NAV3: variants seen among roughly 807,000 people sequenced by gnomAD.
NAV3 encodes neuron navigator 3.
A neutral mutation model predicts 244.7 loss-of-function variants in NAV3; 87 were observed. That is an observed-to-expected ratio of 0.36 (90% CI 0.30 to 0.42). The LOEUF is 0.42. NAV3 is among the 20% of genes least tolerant of loss of function. NAV3 has a pLI of 1.00. For missense variants in NAV3, 2,663 were observed against 2,893.3 expected (o/e 0.92, Z 1.83); for synonymous variants, 1,126 against 1,042.2 (o/e 1.08, Z -1.55).
chr12:77,629,750 T>G (rs917142227), intron 2 of NAV3, among the ~76,000 whole-genome samples: 10 of 152,170 alleles, frequency 6.6e-5, no homozygotes, highest in African/African-American at 2.4e-4. Context: ...GTACATTAGT[T>G]AAAAACTCTC....
At chr12:77,714,459 C>T (rs1296641658) in intron 2 of NAV3, among the ~76,000 whole-genome samples, 1 of 152,070 alleles carries the variant, frequency 6.6e-6, no homozygotes, top group Middle Eastern at 3.2e-3. Context: ...AACTTTGTGT[C>T]CTACAGCCCA....
At chr12:77,913,192 C>A (rs925111234) in intron 1 of NAV3, among the ~76,000 whole-genome samples, 1 of 152,008 alleles carries the variant, frequency 6.6e-6, no homozygotes, top group East Asian at 1.9e-4. Context: ...ATGTACACAG[C>A]AATTCTTTTG....
chr12:77,935,413 C>T (rs1181975138), intron 1 of NAV3, among the ~76,000 whole-genome samples: 1 of 152,084 alleles, frequency 6.6e-6, no homozygotes, highest in East Asian at 1.9e-4. Context: ...AATGATGAAG[C>T]TACAAGGTCA....
rs112838926 is a variant in NAV3, at chr12:77,718,252, C to G, written c.72+145986C>G. Among the ~76,000 whole-genome samples the G allele has an allele frequency of 2.8e-3, 428 of 152,228 alleles. 2 individuals are homozygous for G. The highest frequency in any genetic ancestry group is 9.8e-3 in the African/African-American group (407 of 41,536). ...ATCCATTTTGAGTTAATTTTTTGTA[C>G]TGTGTACAATAAGGCTCAAATTTTA... On this transcript the variant is annotated intron_variant, in intron 2 of 8. Transcript: ENST00000550042.
At chr12:77,894,476 A>G in intron 1 of NAV3, among the ~76,000 whole-genome samples, 1 of 152,208 alleles carries the variant, frequency 6.6e-6, no homozygotes, top group African/African-American at 2.4e-5. Context: ...TCGAGTTTAA[A>G]AAACAACAAT....
At position 77,600,880 on chromosome 12, in the gene NAV3, A is replaced by C. The variant is rs1052204847; in HGVS notation, c.72+28614A>C. ...TATTTTTACACATTCTGAGCCTTAA[A>C]GTGGCAGGCTTCTGCTTAAAATCTA... On this transcript the variant is annotated intron_variant, in intron 2 of 8. Coordinates refer to the NAV3 transcript ENST00000550042. 7.9e-5 allele frequency among the ~76,000 whole-genome samples: 12 copies of C among 151,956 alleles called. No homozygotes were observed. In the South Asian group the frequency reaches 2.1e-3, roughly 26 times the overall value.
At chr12:77,684,092 C>G (rs533090174) in intron 2 of NAV3, among the ~76,000 whole-genome samples, 1 of 152,248 alleles carries the variant, frequency 6.6e-6, no homozygotes, top group South Asian at 2.1e-4. Flanking sequence ...GCATTCAGAC[C>G]TGCATTAGGC....
chr12:78,000,526 C>CG (rs1873075381), intron 7 of NAV3, among the ~76,000 whole-genome samples: 1 of 108,734 alleles, frequency 9.2e-6, no homozygotes, highest in Non-Finnish European at 1.7e-5. Context: ...TTTTTTGAGA[C>CG]GGAGTCTCAC....
At chr12:78,077,117 A>G (rs976067519) in intron 12 of NAV3, among the ~76,000 whole-genome samples, 2 of 152,146 alleles carry the variant, frequency 1.3e-5, no homozygotes, top group Admixed American at 1.3e-4. Context: ...GGACCTTTCC[A>G]TATTTCTTAA....
chr12:77,897,842 A>G (rs1273541889), intron 1 of NAV3, among the ~76,000 whole-genome samples: 4 of 152,124 alleles, frequency 2.6e-5, no homozygotes, highest in African/African-American at 9.7e-5. Flanking sequence ...AAGAGTGTGT[A>G]TCTTTGTATT....
chr12:78,110,418 T>C (rs1424891267), intron 12 of NAV3, among the ~76,000 whole-genome samples: 2 of 152,014 alleles, frequency 1.3e-5, no homozygotes, highest in Non-Finnish European at 2.9e-5. Flanking sequence ...TCATATTTCA[T>C]AGAATTAGAA....
chr12:77,933,409 A>C (rs563877624), intron 1 of NAV3, among the ~76,000 whole-genome samples: 23 of 152,336 alleles, frequency 1.5e-4, no homozygotes, highest in Non-Finnish European at 3.2e-4. Context: ...GAATGACAGA[A>C]AAAAAGTAAA....
rs1872693528 is a variant in NAV3 at position 77,998,316 on chromosome 12, AT to A, written c.741-16del. The A allele has an allele frequency of 3.9e-6, 6 of 1,535,428 alleles. No homozygotes were observed. Among genetic ancestry groups the A allele is most frequent in the Non-Finnish European group, 5.2e-6 (6 of 1,147,122 alleles). Reference sequence around the variant, plus strand: ...TTTTGTAATGTACAATAATGATGTAATTTTTCTTATACTATTTCAGGCTTCC... The same window carrying A: ...TTTTGTAATGTACAATAATGATGTAATTTTCTTATACTATTTCAGGCTTCC... On this transcript the variant is annotated intron_variant, in intron 6 of 39. Coordinates refer to ENST00000397909, the MANE Select transcript of NAV3 (RefSeq NM_001024383.2).
intron 2 of NAV3, among the ~76,000 whole-genome samples, chr12:77,774,645 T>C (rs1370640029): frequency 2.0e-5 from 3 of 152,138 alleles, no homozygotes; most frequent in Non-Finnish European, 4.4e-5. Context: ...CAAGTACTTA[T>C]GTAGGGGACT....
chr12:77,776,892 T>C (rs1162086051), intron 2 of NAV3, among the ~76,000 whole-genome samples: 2 of 152,180 alleles, frequency 1.3e-5, no homozygotes, highest in African/African-American at 4.8e-5. Context: ...GTAACATCTT[T>C]ATCTATCCAG....
chr12:77,924,659 A>G (rs1888020243), intron 1 of NAV3, among the ~76,000 whole-genome samples: 1 of 152,220 alleles, frequency 6.6e-6, no homozygotes, highest in South Asian at 2.1e-4. Context: ...GACAAAGAAG[A>G]AATTCAAGAT....
At chr12:77,947,537 C>T (rs1593081287) in intron 3 of NAV3, 1 of 151,554 alleles carries the variant, frequency 6.6e-6, no homozygotes, top group South Asian at 2.1e-4. Flanking sequence ...AATTGTAGCA[C>T]TATGACTCAG....
intron 2 of NAV3, among the ~76,000 whole-genome samples, chr12:77,704,219 G>A (rs1875690066): frequency 6.6e-6 from 1 of 152,126 alleles, no homozygotes; most frequent in Non-Finnish European, 1.5e-5. Context: ...AATAGTTAAA[G>A]TTATTAAAAT....
chr12:78,075,109 A>G (rs1052221734), intron 12 of NAV3, among the ~76,000 whole-genome samples: 3 of 152,112 alleles, frequency 2.0e-5, no homozygotes, highest in Non-Finnish European at 2.9e-5. Flanking sequence ...ACTATCACTG[A>G]TCCTTTACTT....
Sources: gnomAD v4.1 joint callset for allele counts (sites outside exome capture counted in the v4.1 genomes callset) on GRCh38, gnomAD v4.1.1 for gene constraint, MANE v1.5 for transcripts, NCBI Gene and HGNC (gene_info 2026-07-23, HGNC 2026-07-21) for gene names.